ANO2: variants seen among roughly 807,000 people sequenced by gnomAD.
ANO2 encodes the protein anoctamin-2.
In ANO2, 101 loss-of-function variants were observed where a neutral mutation model predicts 124.2. That is an observed-to-expected ratio of 0.81 (90% CI 0.69 to 0.96). The LOEUF (loss-of-function observed/expected upper bound fraction) is 0.96. Ranked by LOEUF, ANO2 falls within the 40% of genes least tolerant of loss-of-function variation. The pLI, the probability that ANO2 is intolerant of heterozygous loss-of-function variation, is 0.00. For synonymous variants in ANO2, 486 were observed against 482.5 expected, an observed-to-expected ratio of 1.01 and a Z score of -0.09; for missense variants, 1,293 against 1,274.5, an observed-to-expected ratio of 1.01 and a Z score of -0.22.
intron 4 of ANO2, among the ~76,000 whole-genome samples, chr12:5,853,631 C>G (rs576957635): frequency 7.2e-5 from 11 of 152,298 alleles, no homozygotes; most frequent in Non-Finnish European, 1.6e-4. Flanking sequence ...GGTTTCTCCA[C>G]AGCAAATTGG....
intron 19 of ANO2, among the ~76,000 whole-genome samples, chr12:5,608,526 G>T (rs1944327796): frequency 6.6e-6 from 1 of 152,016 alleles, no homozygotes; most frequent in African/African-American, 2.4e-5. Context: ...TCATTCGAGA[G>T]AAATTCATAG....
intron 16 of ANO2, among the ~76,000 whole-genome samples, chr12:5,633,932 C>T (rs956980198): frequency 2.0e-5 from 3 of 152,144 alleles, no homozygotes; most frequent in Admixed American, 2.0e-4. Flanking sequence ...ATATGCATGC[C>T]TGTCTGACTC....
At chr12:5,696,951 T>C (rs1006008640) in intron 14 of ANO2, among the ~76,000 whole-genome samples, 2 of 152,256 alleles carry the variant, frequency 1.3e-5, no homozygotes, top group African/African-American at 4.8e-5. Context: ...AGATGGAAAC[T>C]TTCTGTAATC....
chr12:5,690,841 G>T (rs1481839184), intron 14 of ANO2, among the ~76,000 whole-genome samples: 1 of 152,130 alleles, frequency 6.6e-6, no homozygotes, highest in African/African-American at 2.4e-5. Context: ...AACAAAAACA[G>T]AAATCTAATA....
At position 5,799,503 on chromosome 12, in the gene ANO2, T is replaced by G. The variant is rs955134309; in HGVS notation, c.1055+4A>C. 6.2e-7 allele frequency: 1 copy of G among 1,613,312 alleles called. No individual in the cohort carries two copies. The highest frequency in any genetic ancestry group is 8.5e-7 in the Non-Finnish European group (1 of 1,179,396). Reference sequence around the variant, plus strand: ...ACTTCCAAAAGTTCCCTACCACCTCTTACCTGATGAGGTCAATAGGTTGGA... The same window carrying G: ...ACTTCCAAAAGTTCCCTACCACCTCGTACCTGATGAGGTCAATAGGTTGGA... On this transcript the variant is annotated splice_donor_region_variant and intron_variant, in intron 10 of 24. Coordinates refer to ENST00000682330, the MANE Select transcript of ANO2 (RefSeq NM_001364791.2).
chr12:5,684,473 T>G lies in ANO2; in HGVS notation c.1546-36672A>C, dbSNP rs568988097. On this transcript the variant is annotated intron_variant, in intron 14 of 24. Coordinates refer to ENST00000682330, the MANE Select transcript of ANO2 (RefSeq NM_001364791.2). ...CACTCTGTGGGGAGCTGCCCTTCTC[T>G]GGGGGCAGTGGGAGGACAAGTGGTC... Among the ~76,000 whole-genome samples, 16 of 152,276 alleles carry G rather than the reference T, an allele frequency of 1.1e-4. 1 individual carries two copies. The South Asian group carries it at 3.1e-3, about 30-fold the overall frequency.
In ANO2 at chr12:5,777,523, G is replaced by A. The variant is rs533368756; in HGVS notation, c.1055+21984C>T. The stretch of plus-strand genomic sequence containing the variant: ...GGCCAATGTGGGGCTTGTAAACATG[G>A]TTCCTGAGACATCCAAAGGCTCTTT... On this transcript the variant is annotated intron_variant, in intron 10 of 24. Transcript: ENST00000682330. Among the ~76,000 whole-genome samples, 15 of 152,224 alleles carry A rather than the reference G, an allele frequency of 9.9e-5. No individual in the cohort carries two copies. In the East Asian group the frequency reaches 2.1e-3, roughly 22 times the overall value.
intron 1 of ANO2, among the ~76,000 whole-genome samples, chr12:5,942,722 T>C (rs899155517): frequency 6.6e-6 from 1 of 152,258 alleles, no homozygotes; most frequent in Admixed American, 6.5e-5. Context: ...GCATGGCTTG[T>C]TCCTTCATTT....
At chr12:5,624,241 G>GGAGA (rs371489925) in intron 16 of ANO2, among the ~76,000 whole-genome samples, 3,547 of 149,114 alleles carry the variant, frequency 0.024, 138 homozygotes, top group African/African-American at 0.082. Context: ...AGGGAGCACT[G>GGAGA]GAGAGAGAGA....
intron 3 of ANO2, chr12:5,870,164 G>A (rs1955533082): frequency 6.6e-6 from 1 of 152,330 alleles, no homozygotes; most frequent in Non-Finnish European, 1.5e-5. Flanking sequence ...GAAGCCTGGG[G>A]AGGAAGGTGT....
At chr12:5,818,626 GGTT>G (rs1678805733) in intron 7 of ANO2, among the ~76,000 whole-genome samples, 3 of 151,154 alleles carry the variant, frequency 2.0e-5, no homozygotes, top group Admixed American at 2.0e-4. Flanking sequence ...TTGGTTTTGG[GGTT>G]TCTGGAGTTG....
chr12:5,666,824 G>A (rs1208968794), intron 14 of ANO2, among the ~76,000 whole-genome samples: 1 of 150,208 alleles, frequency 6.7e-6, no homozygotes, highest in African/African-American at 2.5e-5. Context: ...TGCCTGATGG[G>A]AGTGTCTTTG....
intron 10 of ANO2, among the ~76,000 whole-genome samples, chr12:5,797,350 C>G (rs149993722): frequency 6.6e-6 from 1 of 151,968 alleles, no homozygotes; most frequent in Non-Finnish European, 1.5e-5. Context: ...GTGAAAGTGA[C>G]GCCAGTCAGG....
Position 5,744,146 on chromosome 12 carries a change from T to C in ANO2, c.1351+11A>G. ...CCACCCATATAAGCAAGCCTGGTGA[T>C]GGCCACATACCCCACAGAGCCATGA... On this transcript the variant is annotated intron_variant, in intron 12 of 24. Transcript: ENST00000682330. The C allele has an allele frequency of 2.5e-6, 4 of 1,613,182 alleles. No individual in the cohort carries two copies. The highest frequency in any genetic ancestry group is 1.3e-5 in the African/African-American group (1 of 74,384).
chr12:5,707,732 C>T (rs765824804), intron 14 of ANO2, among the ~76,000 whole-genome samples: 1 of 152,188 alleles, frequency 6.6e-6, no homozygotes, highest in Non-Finnish European at 1.5e-5. Flanking sequence ...CATTTGAAGC[C>T]GGCTCAGCTT....
intron 13 of ANO2, among the ~76,000 whole-genome samples, chr12:5,736,060 T>C (rs749340312): frequency 2.0e-5 from 3 of 152,232 alleles, no homozygotes; most frequent in Non-Finnish European, 4.4e-5. Context: ...TATAAAACTC[T>C]GGAGGTCTGA....
intron 14 of ANO2, among the ~76,000 whole-genome samples, chr12:5,667,636 A>G (rs55690596): frequency 0.063 from 9,524 of 152,206 alleles, 303 homozygotes; most frequent in South Asian, 0.11. Context: ...TGCTGCACCT[A>G]TCAACCCATC....
chr12:5,752,613 A>T (rs1027164489), intron 10 of ANO2, among the ~76,000 whole-genome samples: 6 of 152,164 alleles, frequency 3.9e-5, no homozygotes, highest in Admixed American at 6.5e-5. Flanking sequence ...TTCCTTATAC[A>T]TGTTGGATAT....
chr12:5,924,163 G>A (rs776828256), intron 1 of ANO2, among the ~76,000 whole-genome samples: 2 of 152,208 alleles, frequency 1.3e-5, no homozygotes, highest in Admixed American at 6.5e-5. Context: ...AACTCTTCCA[G>A]TCTGTTGAAA....
Sources: gnomAD v4.1 joint callset for allele counts (sites outside exome capture counted in the v4.1 genomes callset) on GRCh38, gnomAD v4.1.1 for gene constraint, MANE v1.5 for transcripts, NCBI Gene and HGNC (gene_info 2026-07-23, HGNC 2026-07-21) for gene names.